Variants in NAA35 observed in about 807,000 individuals in gnomAD.
NAA35 encodes N-alpha-acetyltransferase 35, NatC auxiliary subunit.
NAA35 carries 18 observed loss-of-function variants against 101.7 expected under a neutral mutation model. The ratio of observed to expected loss-of-function variants is 0.18; its 90% CI spans 0.12 to 0.26. The LOEUF is 0.26. Among genes scored for constraint, NAA35 ranks in the 10% least tolerant of loss-of-function variants. The probability of loss-of-function intolerance (pLI) is 1.00; values close to 1 mark genes in which losing one functional copy is unlikely to be tolerated. For synonymous variants in NAA35, 267 were observed against 273.1 expected (o/e 0.98, Z 0.22); for missense variants, 601 against 886.8 (o/e 0.68, Z 4.09).
intron 1 of NAA35, chr9:85,941,829 A>G (rs897227617): frequency 2.9e-6 from 3 of 1,033,260 alleles, no homozygotes; most frequent in Non-Finnish European, 3.5e-6. Flanking sequence ...TTTTGTGGCT[A>G]TTATTGAAAG....
intron 6 of NAA35, among the ~76,000 whole-genome samples, chr9:85,964,028 AT>A (rs1157116481): frequency 6.6e-6 from 1 of 151,996 alleles, no homozygotes; most frequent in Admixed American, 6.6e-5. Flanking sequence ...AAGATTAGAA[AT>A]TTTTTATAAC....
At chr9:86,017,600 T>C in intron 19 of NAA35, 35 bp downstream of exon 19, 1 of 1,528,534 alleles carries the variant, frequency 6.5e-7, no homozygotes, top group Admixed American at 1.7e-5. Context: ...TTTTGCCTTT[T>C]AGCTATATCC....
intron 18 of NAA35, among the ~76,000 whole-genome samples, chr9:86,017,146 A>G (rs1005495005): frequency 6.6e-6 from 1 of 152,268 alleles, no homozygotes; most frequent in African/African-American, 2.4e-5. Flanking sequence ...ATATGGCTGC[A>G]ATTATTATAA....
chr9:86,013,949 T>G (rs1441062377), intron 17 of NAA35, 52 bp downstream of exon 17: 2 of 1,323,478 alleles, frequency 1.5e-6, no homozygotes, highest in Admixed American at 4.1e-5. Context: ...GGATAAGATC[T>G]GAGAATTCAG....
At chr9:85,960,787 A>G (rs1461097156) in intron 5 of NAA35, among the ~76,000 whole-genome samples, 2 of 152,194 alleles carry the variant, frequency 1.3e-5, no homozygotes, top group Non-Finnish European at 2.9e-5. Flanking sequence ...GTGCCGTGGG[A>G]ACAGAGAGGA....
At chr9:85,978,709 T>C (rs1456633783) in intron 11 of NAA35, among the ~76,000 whole-genome samples, 3 of 152,164 alleles carry the variant, frequency 2.0e-5, no homozygotes, top group African/African-American at 7.2e-5. Flanking sequence ...AGTTTAATTA[T>C]CATGAGTCAG....
intron 2 of NAA35, among the ~76,000 whole-genome samples, chr9:85,950,006 G>C (rs1828943317): frequency 6.6e-6 from 1 of 152,254 alleles, no homozygotes; most frequent in Non-Finnish European, 1.5e-5. Flanking sequence ...GCTACATGAT[G>C]TGTGATGATG....
intron 3 of NAA35, among the ~76,000 whole-genome samples, chr9:85,957,065 C>T (rs966154345): frequency 4.6e-5 from 7 of 152,084 alleles, no homozygotes; most frequent in Non-Finnish European, 8.8e-5. Context: ...ATTGGGGTGC[C>T]GACCCACCCC....
At chr9:85,948,092 G>A (rs1333931468) in intron 2 of NAA35, among the ~76,000 whole-genome samples, 1 of 152,098 alleles carries the variant, frequency 6.6e-6, no homozygotes, top group Non-Finnish European at 1.5e-5. Context: ...CTGGTTTTGG[G>A]CAGCTTGCTT....
rs550921012 is a variant in NAA35 at position 86,013,018 on chromosome 9, C to CA, written c.1291-27dup. On this transcript the variant is annotated intron_variant, in intron 15 of 22. Transcript: ENST00000361671. ...TTGGTACTAGGAAATTTCATATTTA[C>CA]AGTTGACAAATTATATGTGTATTGC... 1.3e-4 allele frequency: 188 copies of CA among 1,411,982 alleles called. No homozygotes were observed. The East Asian group carries it at 3.5e-3, about 27-fold the overall frequency. The allele number at this position is 1,411,982 out of a possible 1,614,324, so 87.5% of individuals were successfully genotyped here. A position where few individuals can be genotyped will look rare whatever the true frequency, so the allele number is the denominator to read the frequency against.
intron 13 of NAA35, among the ~76,000 whole-genome samples, chr9:86,004,454 TG>T (rs1831545188): frequency 6.6e-6 from 1 of 151,270 alleles, no homozygotes; most frequent in African/African-American, 2.4e-5. Context: ...CATTCCAGCT[TG>T]GGCAACAGAG....
At chr9:85,942,788 C>G (rs1191092991) in intron 2 of NAA35, among the ~76,000 whole-genome samples, 1 of 152,174 alleles carries the variant, frequency 6.6e-6, no homozygotes. Flanking sequence ...TCTTTTTTAT[C>G]TCTTCGTAAT....
At chr9:85,959,750 A>T (rs753199232) in intron 4 of NAA35, 43 bp from the exon 5 acceptor site, 2 of 1,433,092 alleles carry the variant, frequency 1.4e-6, no homozygotes, top group African/African-American at 1.4e-5. Context: ...CCATAAGTTT[A>T]AAAAAATTTC....
intron 11 of NAA35, among the ~76,000 whole-genome samples, chr9:85,995,374 T>TGTAGGCTAAA (rs1831110822): frequency 6.6e-6 from 1 of 151,552 alleles, no homozygotes; most frequent in Admixed American, 6.6e-5. Context: ...TAAGAAGGAT[T>TGTAGGCTAAA]GTAGGCTAAA....
At chr9:85,987,739 T>C (rs1466741296) in intron 11 of NAA35, among the ~76,000 whole-genome samples, 2 of 152,164 alleles carry the variant, frequency 1.3e-5, no homozygotes, top group African/African-American at 4.8e-5. Flanking sequence ...TAGGGAACAC[T>C]TATAACCAGA....
rs542140698 is a variant in NAA35, at chr9:85,996,383, A to G, written c.878-16A>G. On this transcript the variant is annotated splice_polypyrimidine_tract_variant and intron_variant, in intron 11 of 22. Coordinates refer to ENST00000361671, the MANE Select transcript of NAA35 (RefSeq NM_024635.4). Reference sequence around the variant, plus strand: ...AGAAAAGTTGAAAAATTTTACTTTCATTTTTTTCTTTTTAGATCATCCAAT... The same window carrying G: ...AGAAAAGTTGAAAAATTTTACTTTCGTTTTTTTCTTTTTAGATCATCCAAT... The G allele has an allele frequency of 1.3e-6, 2 of 1,547,636 alleles. No individual in the cohort carries two copies. Among genetic ancestry groups the G allele is most frequent in the South Asian group, 1.3e-5 (1 of 79,488 alleles).
chr9:85,992,497 G>A (rs1830961964), intron 11 of NAA35, among the ~76,000 whole-genome samples: 1 of 152,156 alleles, frequency 6.6e-6, no homozygotes, highest in South Asian at 2.1e-4. Context: ...AGTGATTAAA[G>A]TTCACATCAC....
chr9:86,013,580 A>G (rs1587663073), intron 16 of NAA35, 139 bp from the exon 17 acceptor site: 4 of 734,172 alleles, frequency 5.4e-6, no homozygotes, highest in South Asian at 4.2e-5. Flanking sequence ...CTAACTAAAA[A>G]TGCATTTAAA....
At chr9:86,005,352 A>G (rs1017241542) in intron 13 of NAA35, among the ~76,000 whole-genome samples, 5 of 152,224 alleles carry the variant, frequency 3.3e-5, no homozygotes, top group African/African-American at 1.2e-4. Context: ...CTGATAAAGG[A>G]CATATACAAA....
Sources: allele counts gnomAD v4.1 joint callset (sites outside exome capture counted in the v4.1 genomes callset), GRCh38; gene constraint gnomAD v4.1.1; transcripts MANE v1.5; gene names NCBI Gene and HGNC (gene_info 2026-07-23, HGNC 2026-07-21).